The following CFAP299 variants were observed in gnomAD, a reference collection of about 807,000 sequenced individuals.
CFAP299 encodes cilia and flagella associated protein 299, also known as cilia- and flagella-associated protein 299.
Under a neutral mutation model 27.0 loss-of-function variants are expected in CFAP299, and 21 were observed. The ratio of observed to expected loss-of-function variants is 0.78; its 90% CI spans 0.55 to 1.12. CFAP299 has a LOEUF of 1.12. Ranked by LOEUF, CFAP299 falls within the 50% of genes most tolerant of loss-of-function variation. The pLI is 0.00. For synonymous variants in CFAP299, 104 were observed against 98.1 expected, an observed-to-expected ratio of 1.06 and a Z score of -0.36; for missense variants, 310 against 276.6, an observed-to-expected ratio of 1.12 and a Z score of -0.86.
intron 3 of CFAP299, among the ~76,000 whole-genome samples, chr4:80,629,871 G>GAA (rs1239255685): frequency 1.8e-4 from 12 of 67,004 alleles, no homozygotes; most frequent in East Asian, 8.1e-4. Context: ...TCTGTATCTG[G>GAA]AAAAAAAAAA....
intron 4 of CFAP299, among the ~76,000 whole-genome samples, chr4:80,932,216 A>T (rs1156606852): frequency 6.6e-6 from 1 of 152,152 alleles, no homozygotes; most frequent in Admixed American, 6.6e-5. Context: ...TAACCTTCTG[A>T]CTGTGCCATA....
chr4:80,750,791 C>G (rs1447680544), intron 3 of CFAP299, among the ~76,000 whole-genome samples: 5 of 152,124 alleles, frequency 3.3e-5, no homozygotes, highest in Admixed American at 1.3e-4. Flanking sequence ...AATCATAAAG[C>G]ATGTTGCAAG....
intron 3 of CFAP299, among the ~76,000 whole-genome samples, chr4:80,806,343 C>T (rs754766518): frequency 1.1e-4 from 17 of 152,102 alleles, no homozygotes; most frequent in Non-Finnish European, 2.4e-4. Context: ...TTAATGAAAA[C>T]CTGCTGTCTG....
At chr4:80,467,751 A>G (rs888493840) in intron 2 of CFAP299, among the ~76,000 whole-genome samples, 1 of 152,356 alleles carries the variant, frequency 6.6e-6, no homozygotes, top group African/African-American at 2.4e-5. Flanking sequence ...TGGGTAATTT[A>G]TAAAGGAAAG....
chr4:80,478,406 A>C (rs2110124217), intron 2 of CFAP299, among the ~76,000 whole-genome samples: 1 of 152,240 alleles, frequency 6.6e-6, no homozygotes, highest in African/African-American at 2.4e-5. Flanking sequence ...AGGCATATAA[A>C]TTGAAATTTA....
At chr4:80,783,342 C>T (rs1362194033) in intron 3 of CFAP299, among the ~76,000 whole-genome samples, 4 of 152,094 alleles carry the variant, frequency 2.6e-5, no homozygotes, top group African/African-American at 9.7e-5. Flanking sequence ...TGAATACTAG[C>T]AGGCAGGGAC....
chr4:80,931,145 A>AAGTG (rs3038546), intron 4 of CFAP299, among the ~76,000 whole-genome samples: 10,994 of 135,086 alleles, frequency 0.081, 472 homozygotes, highest in Admixed American at 0.15. Flanking sequence ...ACATAATAAT[A>AAGTG]AGTGAGTGAG....
intron 5 of CFAP299, among the ~76,000 whole-genome samples, chr4:80,950,588 C>G (rs1737726208): frequency 2.0e-5 from 3 of 152,014 alleles, no homozygotes; most frequent in African/African-American, 7.2e-5. Flanking sequence ...GAAGAAAAAC[C>G]ATGCACAAAG....
chr4:80,472,951 T>C (rs979557542), intron 2 of CFAP299, among the ~76,000 whole-genome samples: 5 of 152,216 alleles, frequency 3.3e-5, no homozygotes, highest in Non-Finnish European at 7.3e-5. Flanking sequence ...AGGTGATTAA[T>C]TGATACTCAA....
chr4:80,872,473 A>G (rs1471429385), intron 4 of CFAP299: 1 of 152,190 alleles, frequency 6.6e-6, no homozygotes, highest in Non-Finnish European at 1.5e-5. Context: ...ATTCCTGCAG[A>G]AATACAAAAT....
intron 2 of CFAP299, among the ~76,000 whole-genome samples, chr4:80,496,895 C>T (rs983215945): frequency 1.3e-5 from 2 of 152,012 alleles, no homozygotes; most frequent in Non-Finnish European, 2.9e-5. Context: ...GGTGAATGTA[C>T]GTGCAAGAGA....
At chr4:80,368,183 C>T (rs1419389421) in intron 2 of CFAP299, among the ~76,000 whole-genome samples, 2 of 152,160 alleles carry the variant, frequency 1.3e-5, no homozygotes, top group Non-Finnish European at 2.9e-5. Flanking sequence ...TTAGCTATTG[C>T]CATCTTCTTG....
chr4:80,704,206 T>C (rs1015166915), intron 3 of CFAP299, among the ~76,000 whole-genome samples: 3 of 151,458 alleles, frequency 2.0e-5, no homozygotes, highest in African/African-American at 7.3e-5. Context: ...AAAGATATGA[T>C]GGAAAGTTAT....
In CFAP299 at chr4:80,558,363, T is replaced by G. The variant is rs1274464954; in HGVS notation, c.243-24730T>G. ...GTTTTTTTGTTTGTTTGTTTGTTTGTTTGTTTTTTTTTTGGCCAGGAACCT... is the reference window on the plus strand; with the variant it reads ...GTTTTTTTGTTTGTTTGTTTGTTTGGTTGTTTTTTTTTTGGCCAGGAACCT... On this transcript the variant is annotated intron_variant, in intron 2 of 5. Coordinates refer to ENST00000358105, the MANE Select transcript of CFAP299 (RefSeq NM_152770.3). Among the ~76,000 whole-genome samples the G allele has an allele frequency of 3.0e-5, 4 of 135,496 alleles. No individual in the cohort carries two copies. The East Asian group carries it at 6.7e-4, about 23-fold the overall frequency. 88.9% of individuals were successfully genotyped at this position (135,496 alleles called of 152,430 possible).
At chr4:80,779,876 G>A (rs1051382698) in intron 3 of CFAP299, among the ~76,000 whole-genome samples, 1 of 151,972 alleles carries the variant, frequency 6.6e-6, no homozygotes, top group Admixed American at 6.6e-5. Flanking sequence ...GCAAAATTCA[G>A]TATGTAAGAG....
At chr4:80,552,813 A>G (rs959625773) in intron 2 of CFAP299, among the ~76,000 whole-genome samples, 13 of 151,928 alleles carry the variant, frequency 8.6e-5, no homozygotes, top group African/African-American at 2.9e-4. Flanking sequence ...TCAGCCTCTC[A>G]AGTAGCTAAG....
intron 3 of CFAP299, among the ~76,000 whole-genome samples, chr4:80,790,163 G>A (rs193254927): frequency 9.1e-4 from 139 of 152,036 alleles, no homozygotes; most frequent in African/African-American, 3.2e-3. Context: ...TGCTATTTAA[G>A]GGTTTGAAAA....
At chr4:80,715,722 T>C (rs1303445436) in intron 3 of CFAP299, among the ~76,000 whole-genome samples, 2 of 152,070 alleles carry the variant, frequency 1.3e-5, no homozygotes, top group Non-Finnish European at 2.9e-5. Flanking sequence ...CTCTTAAATA[T>C]TGACTATATG....
intron 3 of CFAP299, among the ~76,000 whole-genome samples, chr4:80,861,307 G>C (rs533541257): frequency 6.6e-6 from 1 of 152,154 alleles, no homozygotes; most frequent in Non-Finnish European, 1.5e-5. Flanking sequence ...TCCAGGTGCT[G>C]TCTGTCACCC....
Sources: gnomAD v4.1 joint callset for allele counts (sites outside exome capture counted in the v4.1 genomes callset) on GRCh38, gnomAD v4.1.1 for gene constraint, MANE v1.5 for transcripts, NCBI Gene and HGNC (gene_info 2026-07-23, HGNC 2026-07-21) for gene names.